The following TRIM27 variants were observed in gnomAD, a reference collection of about 807,000 sequenced individuals.
TRIM27 encodes tripartite motif containing 27, also known as zinc finger protein RFP.
A neutral mutation model predicts 57.6 loss-of-function variants in TRIM27; 12 were observed. That is an observed-to-expected ratio of 0.21 (90% confidence interval 0.13 to 0.34). The LOEUF is 0.34. TRIM27 is among the 10% of genes least tolerant of loss of function. The pLI, the probability that TRIM27 is intolerant of heterozygous loss-of-function variation, is 1.00. For missense variants in TRIM27, 403 were observed against 656.8 expected, an observed-to-expected ratio of 0.61 and a Z score of 4.22; for synonymous variants, 266 against 259.0, an observed-to-expected ratio of 1.03 and a Z score of -0.26.
chr6:28,923,138 A>T (rs1774177824), intron 1 of TRIM27, 75 bp downstream of exon 1: 2 of 1,432,930 alleles, frequency 1.4e-6, no homozygotes, highest in Non-Finnish European at 1.8e-6. Context: ...TCTAGGCGGA[A>T]AAAAGGAAGC....
chr6:28,913,729 T>G (rs1014438308), intron 3 of TRIM27, among the ~76,000 whole-genome samples: 6 of 152,160 alleles, frequency 3.9e-5, no homozygotes, highest in East Asian at 1.9e-4. Context: ...CAAAGCAATT[T>G]ATGTCTTTTG....
intron 3 of TRIM27, chr6:28,915,036 G>C (rs1773500280): frequency 1.3e-5 from 2 of 151,706 alleles, no homozygotes; most frequent in Non-Finnish European, 2.9e-5. Context: ...AACTGAACTG[G>C]TTAGAACCTT....
In TRIM27 at chr6:28,904,074, G is replaced by A; in HGVS notation, c.1538C>T (p.Pro513Leu). 6.2e-7 allele frequency: 1 copy of A among 1,612,326 alleles called. No homozygotes were observed. The highest frequency in any genetic ancestry group is 8.5e-7 in the Non-Finnish European group (1 of 1,179,554). ...GNHGHSMETS[P>L] ...TTTTGGCCTGAATTCACCTCCTCAA[G>A]GGGAGGTCTCCATGGAATGACCATG... Residue 513 changes from proline (P) to leucine (L), a missense_variant, in exon 8 of 8, where the codon CCT becomes CTT. By Grantham distance (98) the Pro-to-Leu change is moderately conservative (BLOSUM62 -3). Transcript: ENST00000377199. This position sits in a 1 kb window ranked among gnomAD's most constrained non-coding sequence, Gnocchi z 6.1.
At chr6:28,918,773 G>A (rs531496023) in intron 3 of TRIM27, among the ~76,000 whole-genome samples, 45 of 152,104 alleles carry the variant, frequency 3.0e-4, no homozygotes, top group African/African-American at 9.9e-4. Flanking sequence ...CTACTCAGGA[G>A]GTTGAGGCAG....
intron 3 of TRIM27, among the ~76,000 whole-genome samples, chr6:28,919,727 A>T (rs1773882144): frequency 6.6e-6 from 1 of 152,212 alleles, no homozygotes; most frequent in Non-Finnish European, 1.5e-5. Context: ...AAAGGTTGAG[A>T]GCCTTGCCTG....
chr6:28,904,710 C>A lies in TRIM27; in HGVS notation c.947-45G>T. On this transcript the variant is annotated intron_variant, in intron 7 of 7. Coordinates refer to ENST00000377199, the MANE Select transcript of TRIM27 (RefSeq NM_006510.5). This position sits in a 1 kb window ranked among gnomAD's most constrained non-coding sequence, Gnocchi z 6.1. ...ACAGTCAGCCGTGGGCCAGGAGAGCCTATTTTAGAACACCCAGCGCCTTTC... is the reference window on the plus strand; with the variant it reads ...ACAGTCAGCCGTGGGCCAGGAGAGCATATTTTAGAACACCCAGCGCCTTTC... 6.7e-7 allele frequency: 1 copy of A among 1,503,468 alleles called. No homozygotes were observed. The allele number at this position is 1,503,468 out of a possible 1,614,324, so 93.1% of individuals were successfully genotyped here. A position where few individuals can be genotyped will look rare whatever the true frequency, so the allele number is the denominator to read the frequency against.
Position 28,904,925 on chromosome 6 carries a change from T to G in TRIM27, c.947-260A>C. On this transcript the variant is annotated intron_variant, in intron 7 of 7. Coordinates refer to ENST00000377199, the MANE Select transcript of TRIM27 (RefSeq NM_006510.5). This position sits in a 1 kb window ranked among gnomAD's most constrained non-coding sequence, Gnocchi z 6.1. ...AGCCACAATATCCATCATGAACTGA[T>G]TTTAAGAGATAGGGTCTTGCTCTGT... 1 of 518,348 alleles carries G rather than the reference T, an allele frequency of 1.9e-6. No individual in the cohort carries two copies. Among genetic ancestry groups the G allele is most frequent in the Non-Finnish European group, 3.4e-6 (1 of 292,038 alleles). The allele number at this position is 518,348 out of a possible 1,614,324, so 32.1% of individuals were successfully genotyped here.
chr6:28,909,637 C>A (rs1773034206), intron 4 of TRIM27, among the ~76,000 whole-genome samples: 1 of 152,168 alleles, frequency 6.6e-6, no homozygotes, highest in South Asian at 2.1e-4. Context: ...AAAAGGTTTA[C>A]TGAATTACAT....
At position 28,923,554 on chromosome 6, in the gene TRIM27, T is replaced by C; in HGVS notation, c.79A>G (p.Met27Val). 1 of 1,611,476 alleles carries C rather than the reference T, an allele frequency of 6.2e-7. No individual in the cohort carries two copies. Among genetic ancestry groups the C allele is most frequent in the South Asian group, 1.1e-5 (1 of 90,916 alleles). ...ATGTTATGGCCGCAGTCGAGCATCA[T>C]GGGCTCTGCGAAGTACTGCAGGCAC... ...PVCLQYFAEPMMLDCGHNICC... is the reference protein window; with the variant it reads ...PVCLQYFAEPVMLDCGHNICC... The change falls in exon 1 of 8, where the codon ATG becomes GTG. Residue 27 changes from methionine (M) to valine (V), a missense_variant. Coordinates refer to ENST00000377199, the MANE Select transcript of TRIM27 (RefSeq NM_006510.5).
At chr6:28,907,358 C>T in intron 6 of TRIM27, 96 bp from the exon 7 acceptor site, 1 of 1,242,692 alleles carries the variant, frequency 8.0e-7, no homozygotes, top group South Asian at 1.2e-5. Flanking sequence ...AAGCAGTGGT[C>T]TCCACCAGAA....
At chr6:28,906,169 C>T (rs2150458877) in intron 7 of TRIM27, 1 of 152,152 alleles carries the variant, frequency 6.6e-6, no homozygotes, top group East Asian at 1.9e-4. Context: ...TGCCACTGCA[C>T]ACCAGCCTGG....
chr6:28,904,407 G>T lies in TRIM27; in HGVS notation c.1205C>A (p.Pro402His). 6.2e-7 allele frequency: 1 copy of T among 1,613,026 alleles called. No individual in the cohort carries two copies. The highest frequency in any genetic ancestry group is 8.5e-7 in the Non-Finnish European group (1 of 1,180,026). ...VCRKGGVTSAPQNGFWAVSLW... is the reference protein window; with the variant it reads ...VCRKGGVTSAHQNGFWAVSLW... Reference sequence around the variant, plus strand: ...AGACACTGCCCAGAATCCATTCTGGGGGGCTGAGGTTACTCCACCTTTTCT... The same window carrying T: ...AGACACTGCCCAGAATCCATTCTGGTGGGCTGAGGTTACTCCACCTTTTCT... The change falls in exon 8 of 8, where the codon CCC (proline) becomes CAC (histidine). Residue 402 changes from proline (P) to histidine (H), a missense_variant. Pro to His is a moderately conservative substitution (Grantham distance 77, BLOSUM62 -2). Coordinates refer to ENST00000377199, the MANE Select transcript of TRIM27 (RefSeq NM_006510.5). This position sits in a 1 kb window ranked among gnomAD's most constrained non-coding sequence, Gnocchi z 6.1.
At chr6:28,913,905 C>T (rs761928372) in intron 3 of TRIM27, among the ~76,000 whole-genome samples, 3 of 149,616 alleles carry the variant, frequency 2.0e-5, no homozygotes, top group Non-Finnish European at 4.4e-5. Context: ...AATGTGTGTG[C>T]GCTTTTTTCT....
intron 4 of TRIM27, among the ~76,000 whole-genome samples, chr6:28,909,355 C>T (rs918371211): frequency 6.6e-6 from 1 of 152,208 alleles, no homozygotes; most frequent in African/African-American, 2.4e-5. Flanking sequence ...GATCCTCCCG[C>T]CTCGGCCTCC....
chr6:28,907,421 G>C (rs987030277), intron 6 of TRIM27, 159 bp from the exon 7 acceptor site: 4 of 743,204 alleles, frequency 5.4e-6, no homozygotes, highest in Non-Finnish European at 9.8e-6. Flanking sequence ...ATGATGTATG[G>C]CTCTATCATC....
intron 4 of TRIM27, among the ~76,000 whole-genome samples, chr6:28,910,123 G>GAAA (rs9278120): frequency 0.013 from 1,312 of 97,402 alleles, 15 homozygotes; most frequent in Middle Eastern, 0.029. Context: ...AAAGAAAAAT[G>GAAA]AAAAAAAAAA....
intron 3 of TRIM27, among the ~76,000 whole-genome samples, chr6:28,912,575 T>A (rs2150473232): frequency 6.6e-6 from 1 of 152,308 alleles, no homozygotes; most frequent in East Asian, 1.9e-4. Context: ...CCACTCCGTA[T>A]CAGTTCATAG....
At position 28,923,712 on chromosome 6, in the gene TRIM27, C is replaced by A; in HGVS notation, c.-80G>T. On this transcript the variant is annotated 5_prime_UTR_variant, in exon 1 of 8. Coordinates refer to ENST00000377199, the MANE Select transcript of TRIM27 (RefSeq NM_006510.5). ...GAGCCCAACTCTCCGGCGCTCTCTC[C>A]GGTTCGCTGTTCCTGAGAGGCACCG... is the stretch of plus-strand genomic sequence containing the variant. 7.1e-7 allele frequency: 1 copy of A among 1,404,450 alleles called. No individual in the cohort carries two copies. The highest frequency in any genetic ancestry group is 1.5e-5 in the South Asian group (1 of 67,620). The allele number at this position is 1,404,450 out of a possible 1,614,324, so 87.0% of individuals were successfully genotyped here. A position where few individuals can be genotyped will look rare whatever the true frequency, so the allele number is the denominator to read the frequency against.
At chr6:28,916,417 T>A (rs942592699) in intron 3 of TRIM27, among the ~76,000 whole-genome samples, 11 of 151,572 alleles carry the variant, frequency 7.3e-5, no homozygotes, top group African/African-American at 2.7e-4. Flanking sequence ...CCAGGGGTGG[T>A]GGCGCATGCC....
Sources: allele counts gnomAD v4.1 joint callset (sites outside exome capture counted in the v4.1 genomes callset), GRCh38; gene constraint gnomAD v4.1.1; non-coding constraint Gnocchi (gnomAD v3.1); transcripts MANE v1.5; gene names NCBI Gene and HGNC (gene_info 2026-07-23, HGNC 2026-07-21).